The following KLHDC10 variants were observed in gnomAD, a reference collection of about 807,000 sequenced individuals.
KLHDC10 encodes kelch domain-containing protein 10.
Under a neutral mutation model 56.1 loss-of-function variants are expected in KLHDC10, and 24 were observed. The observed-to-expected ratio is 0.43, with a 90% CI of 0.31 to 0.60. The LOEUF (loss-of-function observed/expected upper bound fraction) is 0.60. Ranked by LOEUF, KLHDC10 falls within the 20% of genes least tolerant of loss-of-function variation. The probability of loss-of-function intolerance (pLI) is 0.11; values close to 1 mark genes in which losing one functional copy is unlikely to be tolerated. For synonymous variants in KLHDC10, 188 were observed against 207.1 expected (o/e 0.91, Z 0.79); for missense variants, 349 against 567.0 (o/e 0.62, Z 3.91).
intron 3 of KLHDC10, among the ~76,000 whole-genome samples, chr7:130,119,961 G>T (rs1176070984): frequency 6.6e-6 from 1 of 152,018 alleles, no homozygotes; most frequent in Non-Finnish European, 1.5e-5. Context: ...GTGTATGTTT[G>T]TGTGTGTGGT....
At chr7:130,093,467 C>G (rs1046645949) in intron 1 of KLHDC10, among the ~76,000 whole-genome samples, 10 of 152,130 alleles carry the variant, frequency 6.6e-5, no homozygotes, top group African/African-American at 2.2e-4. Context: ...CTCAGGTGAT[C>G]TGCCCATCTC....
intron 1 of KLHDC10, among the ~76,000 whole-genome samples, chr7:130,071,052 A>G (rs1345946325): frequency 6.6e-6 from 1 of 152,184 alleles, no homozygotes; most frequent in African/African-American, 2.4e-5. Context: ...TTCTTTTCAA[A>G]GGAGAGGCCA....
chr7:130,105,106 A>C (rs1007164080), intron 2 of KLHDC10, among the ~76,000 whole-genome samples: 1 of 152,362 alleles, frequency 6.6e-6, no homozygotes, highest in African/African-American at 2.4e-5. Context: ...TGGCAATACC[A>C]AGTATTGGCA....
At chr7:130,074,399 C>T (rs1220093980) in intron 1 of KLHDC10, among the ~76,000 whole-genome samples, 1 of 151,982 alleles carries the variant, frequency 6.6e-6, no homozygotes, top group Non-Finnish European at 1.5e-5. Context: ...TGTGTGATTC[C>T]TTGATATGCA....
Position 130,116,327 on chromosome 7 carries a change from T to C in KLHDC10, c.254-118T>C, listed in dbSNP as rs1364048910. 1.2e-5 allele frequency: 8 copies of C among 677,900 alleles called. No homozygotes were observed. In the African/African-American group the frequency reaches 1.4e-4, roughly 12 times the overall value. 42.0% of individuals were successfully genotyped at this position (677,900 alleles called of 1,614,324 possible). On this transcript the variant is annotated intron_variant, in intron 2 of 9. Coordinates refer to ENST00000335420, the MANE Select transcript of KLHDC10 (RefSeq NM_014997.4). The surrounding 1 kb of genome is among the most constrained non-coding windows in gnomAD (Gnocchi z 4.8). The stretch of plus-strand genomic sequence containing the variant: ...TATAAATCTAAACAAATAAGAAGTA[T>C]ATCCATGTTATAAATCCTTCCTGGT...
chr7:130,108,457 C>T (rs1020700968), intron 2 of KLHDC10, among the ~76,000 whole-genome samples: 3 of 150,986 alleles, frequency 2.0e-5, no homozygotes, highest in African/African-American at 7.3e-5. Context: ...AATCCCAGCA[C>T]TGTGGGAGGC....
In KLHDC10 at chr7:130,070,688, A is replaced by G; in HGVS notation, c.45A>G (p.Gly15=). The change falls in exon 1 of 10, where the codon GGA becomes GGG. Residue 15 remains glycine, a synonymous_variant. Transcript: ENST00000335420. The part of the protein sequence containing the change: ...QGWDRNRRRG[G]GAAGAGGGGS... The stretch of plus-strand genomic sequence containing the variant: ...GGGACAGGAACCGCCGGAGGGGAGG[A>G]GGCGCCGCCGGCGCTGGTGGCGGAG... 3 of 1,292,360 alleles carry G rather than the reference A, an allele frequency of 2.3e-6. No homozygotes were observed. Among genetic ancestry groups the G allele is most frequent in the South Asian group, 2.4e-5 (1 of 40,902 alleles). The allele number at this position is 1,292,360 out of a possible 1,614,324, so 80.1% of individuals were successfully genotyped here.
In KLHDC10 at chr7:130,122,744, C is replaced by T. The variant is rs561720721; in HGVS notation, c.779+542C>T. Among the ~76,000 whole-genome samples, 4 of 152,264 alleles carry T rather than the reference C, an allele frequency of 2.6e-5. No individual in the cohort carries two copies. In the South Asian group the frequency reaches 8.3e-4, roughly 32 times the overall value. On this transcript the variant is annotated intron_variant, in intron 5 of 9. Transcript: ENST00000335420. ...AAATTTTTGTACAGATGAGGCCGCA[C>T]CGTGTTGCCCAGGCTGCTTCTCAAA...
chr7:130,077,226 G>T (rs999042704), intron 1 of KLHDC10, among the ~76,000 whole-genome samples: 2 of 151,134 alleles, frequency 1.3e-5, no homozygotes, highest in African/African-American at 2.4e-5. Flanking sequence ...TTGGTGGCAG[G>T]TGCCTGTAAT....
intron 1 of KLHDC10, among the ~76,000 whole-genome samples, chr7:130,075,732 A>T (rs1795488911): frequency 6.6e-6 from 1 of 152,170 alleles, no homozygotes; most frequent in African/African-American, 2.4e-5. Flanking sequence ...TTAAATTTTG[A>T]TAGATTCTGT....
chr7:130,080,813 T>C (rs989184620), intron 1 of KLHDC10, among the ~76,000 whole-genome samples: 1 of 152,220 alleles, frequency 6.6e-6, no homozygotes, highest in African/African-American at 2.4e-5. Flanking sequence ...CAAAATTATT[T>C]GTGCGAATTG....
intron 2 of KLHDC10, among the ~76,000 whole-genome samples, chr7:130,111,933 TGAA>T (rs1482774670): frequency 6.6e-6 from 1 of 152,190 alleles, no homozygotes; most frequent in African/African-American, 2.4e-5. Context: ...AAAGAAAGCA[TGAA>T]GAAGTAGGCA....
chr7:130,120,657 GAT>G lies in KLHDC10; in HGVS notation c.476-89_476-88del. The stretch of plus-strand genomic sequence containing the variant: ...GCTATCTTATGAGATCATTAAAGCA[GAT>G]ATGTGTAGCTTCTCAGATATTCTGG... On this transcript the variant is annotated intron_variant, in intron 3 of 9. Transcript: ENST00000335420. This position sits in a 1 kb window ranked among gnomAD's most constrained non-coding sequence, Gnocchi z 5.1. The G allele has an allele frequency of 7.4e-7, 1 of 1,350,784 alleles. No homozygotes were observed. The highest frequency in any genetic ancestry group is 1.0e-6 in the Non-Finnish European group (1 of 960,864). 83.7% of individuals were successfully genotyped at this position (1,350,784 alleles called of 1,614,324 possible).
intron 8 of KLHDC10, 65 bp from the exon 9 acceptor site, chr7:130,129,360 GTGTGACCTACTC>G: frequency 6.5e-7 from 1 of 1,537,418 alleles, no homozygotes; most frequent in Non-Finnish European, 8.8e-7. Flanking sequence ...TCAGCTGGCT[GTGTGACCTACTC>G]TAAAACACTC....
Position 130,070,727 on chromosome 7 carries a change from CG to C in KLHDC10, c.89del (p.Gly30AlafsTer47). ...GAGGGGSGAGGGSGGSGGRGT... is the reference protein window; with the variant it reads ...GAGGGGSGAGXGSGGSGGRGT... ...CTGGTGGCGGAGGTAGCGGGGCCGGCGGGGGCAGTGGGGGCAGCGGGGGTCG... is the reference window on the plus strand; with the variant it reads ...CTGGTGGCGGAGGTAGCGGGGCCGGCGGGGCAGTGGGGGCAGCGGGGGTCG... On this transcript the variant is annotated frameshift_variant, in exon 1 of 10. Transcript: ENST00000335420. LOFTEE classifies it high-confidence loss of function. 1 of 543,670 alleles carries C rather than the reference CG, an allele frequency of 1.8e-6. No homozygotes were observed. Among genetic ancestry groups the C allele is most frequent in the South Asian group, 6.2e-5 (1 of 16,184 alleles). 33.7% of individuals were successfully genotyped at this position (543,670 alleles called of 1,614,324 possible). A position where few individuals can be genotyped will look rare whatever the true frequency, so the allele number is the denominator to read the frequency against.
At chr7:130,077,850 C>T (rs1049916119) in intron 1 of KLHDC10, among the ~76,000 whole-genome samples, 16 of 151,878 alleles carry the variant, frequency 1.1e-4, no homozygotes, top group African/African-American at 1.7e-4. Flanking sequence ...CCACCGCGCC[C>T]GGCCGGGGTT....
At chr7:130,107,797 T>A (rs1416921056) in intron 2 of KLHDC10, among the ~76,000 whole-genome samples, 1 of 127,702 alleles carries the variant, frequency 7.8e-6, no homozygotes, top group Non-Finnish European at 1.5e-5. Context: ...TGAGCCAAGA[T>A]CGCGTCACTG....
chr7:130,098,357 G>C (rs1795880443), intron 2 of KLHDC10, among the ~76,000 whole-genome samples: 1 of 152,110 alleles, frequency 6.6e-6, no homozygotes, highest in Non-Finnish European at 1.5e-5. Flanking sequence ...GCTGGGCATG[G>C]TGGTACACAC....
chr7:130,130,927 C>A lies in KLHDC10; in HGVS notation c.*181C>A. On this transcript the variant is annotated 3_prime_UTR_variant, in exon 10 of 10. Transcript: ENST00000335420. This position sits in a 1 kb window ranked among gnomAD's most constrained non-coding sequence, Gnocchi z 4.2. ...AGTTTATGGACATCTCACTTTCCCACGTGCTTCCTTCTTTGCTTCTGTTCC... is the reference window on the plus strand; with the variant it reads ...AGTTTATGGACATCTCACTTTCCCAAGTGCTTCCTTCTTTGCTTCTGTTCC... The A allele has an allele frequency of 1.7e-6, 1 of 588,924 alleles. No individual in the cohort carries two copies. The highest frequency in any genetic ancestry group is 3.0e-6 in the Non-Finnish European group (1 of 331,944). 36.5% of individuals were successfully genotyped at this position (588,924 alleles called of 1,614,324 possible). A position where few individuals can be genotyped will look rare whatever the true frequency, so the allele number is the denominator to read the frequency against.
Sources: gnomAD v4.1 joint callset for allele counts (sites outside exome capture counted in the v4.1 genomes callset) on GRCh38, gnomAD v4.1.1 for gene constraint, Gnocchi (gnomAD v3.1) non-coding constraint, MANE v1.5 for transcripts, NCBI Gene and HGNC (gene_info 2026-07-23, HGNC 2026-07-21) for gene names.